The following IPCEF1 variants were observed in gnomAD, a reference collection of about 807,000 sequenced individuals.
IPCEF1 encodes the protein interaction protein for cytohesin exchange factors 1, also known as interactor protein for cytohesin exchange factors 1.
A neutral mutation model predicts 50.9 loss-of-function variants in IPCEF1; 31 were observed. The observed-to-expected ratio is 0.61, with a 90% CI of 0.46 to 0.82. The LOEUF (loss-of-function observed/expected upper bound fraction) is 0.82. Among genes scored for constraint, IPCEF1 ranks in the 40% least tolerant of loss-of-function variants. The probability of loss-of-function intolerance (pLI) is 0.00; values close to 1 mark genes in which losing one functional copy is unlikely to be tolerated. For synonymous variants in IPCEF1, 181 were observed against 192.0 expected, an observed-to-expected ratio of 0.94 and a Z score of 0.47; for missense variants, 458 against 514.0, an observed-to-expected ratio of 0.89 and a Z score of 1.05.
chr6:154,184,237 G>A (rs1801142922), intron 10 of IPCEF1, among the ~76,000 whole-genome samples: 1 of 151,928 alleles, frequency 6.6e-6, no homozygotes, highest in Non-Finnish European at 1.5e-5. Context: ...AAATGTAATA[G>A]CACTGGCATA....
intron 3 of IPCEF1, among the ~76,000 whole-genome samples, chr6:154,248,340 G>GTGTGT (rs1562566051): frequency 4.5e-5 from 5 of 112,092 alleles, no homozygotes; most frequent in African/African-American, 1.6e-4. Flanking sequence ...TGTGTGTGTA[G>GTGTGT]AGAGAGAGAA....
intron 2 of IPCEF1, among the ~76,000 whole-genome samples, chr6:154,266,583 T>C (rs1001299509): frequency 9.2e-4 from 128 of 139,244 alleles, no homozygotes; most frequent in Admixed American, 1.2e-3. Flanking sequence ...TATATATATA[T>C]ATACACACAA....
intron 10 of IPCEF1, among the ~76,000 whole-genome samples, chr6:154,185,424 G>A (rs140555274): frequency 1.5e-3 from 229 of 152,300 alleles, no homozygotes; most frequent in African/African-American, 5.1e-3. Context: ...AGTTTAGATT[G>A]TGACTGTTCA....
chr6:154,349,025 A>G (rs527605082), intron 1 of IPCEF1, among the ~76,000 whole-genome samples: 6 of 152,328 alleles, frequency 3.9e-5, no homozygotes, highest in African/African-American at 1.2e-4. Flanking sequence ...TCCTTCAAAC[A>G]TAACTTTGTA....
chr6:154,282,365 T>C (rs1782238909), intron 2 of IPCEF1, among the ~76,000 whole-genome samples: 1 of 151,340 alleles, frequency 6.6e-6, no homozygotes, highest in East Asian at 1.9e-4. Flanking sequence ...GGGACCAGAG[T>C]GGTAGCGATA....
At chr6:154,340,251 A>G (rs956841897) in intron 1 of IPCEF1, among the ~76,000 whole-genome samples, 2 of 79,650 alleles carry the variant, frequency 2.5e-5, no homozygotes, top group African/African-American at 6.8e-5. Flanking sequence ...TTAATTTATT[A>G]TTATTATTAT....
At chr6:154,172,084 A>G (rs927671880) in intron 10 of IPCEF1, among the ~76,000 whole-genome samples, 3 of 152,244 alleles carry the variant, frequency 2.0e-5, no homozygotes, top group African/African-American at 7.2e-5. Context: ...AAAACAACTT[A>G]CCAATTGAGC....
chr6:154,336,475 C>A (rs1033330782), intron 1 of IPCEF1, among the ~76,000 whole-genome samples: 1 of 151,930 alleles, frequency 6.6e-6, no homozygotes, highest in Non-Finnish European at 1.5e-5. Context: ...AAGTTGATCT[C>A]GTGGAGATAG....
intron 1 of IPCEF1, among the ~76,000 whole-genome samples, chr6:154,324,663 C>A (rs1783475301): frequency 6.6e-6 from 1 of 152,026 alleles, no homozygotes; most frequent in Non-Finnish European, 1.5e-5. Flanking sequence ...CAAAAATTAG[C>A]TGGTCATGGT....
chr6:154,241,754 C>G (rs1780614393), intron 5 of IPCEF1, among the ~76,000 whole-genome samples: 1 of 152,132 alleles, frequency 6.6e-6, no homozygotes, highest in Non-Finnish European at 1.5e-5. Flanking sequence ...TCTATTGCTG[C>G]TAGGTTCATA....
chr6:154,249,319 G>C (rs1781280675), intron 3 of IPCEF1, among the ~76,000 whole-genome samples: 1 of 152,032 alleles, frequency 6.6e-6, no homozygotes, highest in Non-Finnish European at 1.5e-5. Context: ...AACCCAACTA[G>C]TACCTATTGG....
chr6:154,180,407 TATATATA>T lies in IPCEF1; in HGVS notation c.911-12301_911-12295del, dbSNP rs1162053819. ...ACAACTATATATATATATATATATA[TATATATA>T]TTTTTTTTTTAAACATGATCCTTCT... On this transcript the variant is annotated intron_variant, in intron 10 of 11. Coordinates refer to ENST00000367220, the MANE Select transcript of IPCEF1 (RefSeq NM_001130700.2). Among the ~76,000 whole-genome samples the T allele has an allele frequency of 1.2e-3, 47 of 40,188 alleles. 1 individual carries two copies. Among genetic ancestry groups the T allele is most frequent in the African/African-American group, 3.8e-3 (46 of 11,988 alleles). The allele number at this position is 40,188 out of a possible 152,430, so 26.4% of individuals were successfully genotyped here. A position where few individuals can be genotyped will look rare whatever the true frequency, so the allele number is the denominator to read the frequency against.
At chr6:154,181,278 G>C (rs1006907342) in intron 10 of IPCEF1, among the ~76,000 whole-genome samples, 6 of 152,076 alleles carry the variant, frequency 3.9e-5, no homozygotes, top group African/African-American at 1.4e-4. Flanking sequence ...TCCTATTTTT[G>C]TTCCTGTTGG....
rs966813334 is a variant in IPCEF1 at position 154,159,294 on chromosome 6, G to C, written c.*534C>G. Reference sequence around the variant, plus strand: ...GAAGCATTTCTCATCACATGGAAAAGGCACCACCATTCCATACCAAAGGCA... The same window carrying C: ...GAAGCATTTCTCATCACATGGAAAACGCACCACCATTCCATACCAAAGGCA... On this transcript the variant is annotated 3_prime_UTR_variant, in exon 12 of 12. Coordinates refer to ENST00000367220, the MANE Select transcript of IPCEF1 (RefSeq NM_001130700.2). 6.3e-6 allele frequency: 1 copy of C among 159,518 alleles called. No individual in the cohort carries two copies. Among genetic ancestry groups the C allele is most frequent in the Non-Finnish European group, 1.4e-5 (1 of 73,514 alleles). The allele number at this position is 159,518 out of a possible 1,614,324, so 9.9% of individuals were successfully genotyped here.
chr6:154,300,714 G>T (rs1371282064), intron 1 of IPCEF1, among the ~76,000 whole-genome samples: 1 of 152,124 alleles, frequency 6.6e-6, no homozygotes, highest in Non-Finnish European at 1.5e-5. Flanking sequence ...AGTCCAACAC[G>T]TAAACACCAG....
At chr6:154,205,155 G>A (rs1342233862) in intron 9 of IPCEF1, among the ~76,000 whole-genome samples, 1 of 152,160 alleles carries the variant, frequency 6.6e-6, no homozygotes, top group Admixed American at 6.5e-5. Flanking sequence ...TTCATCTTCA[G>A]AGCATTTGTC....
chr6:154,248,616 G>GA (rs1195735428), intron 3 of IPCEF1, among the ~76,000 whole-genome samples: 20 of 152,220 alleles, frequency 1.3e-4, no homozygotes, highest in African/African-American at 4.6e-4. Flanking sequence ...TATGTTTGAA[G>GA]AAGGGATATG....
At chr6:154,318,167 C>A (rs1296492860) in intron 1 of IPCEF1, among the ~76,000 whole-genome samples, 1 of 152,086 alleles carries the variant, frequency 6.6e-6, no homozygotes, top group Non-Finnish European at 1.5e-5. Flanking sequence ...GAAATCTGAA[C>A]AGTGGTTGCC....
At chr6:154,223,560 C>A (rs199762291) in intron 5 of IPCEF1, among the ~76,000 whole-genome samples, 30 of 151,802 alleles carry the variant, frequency 2.0e-4, no homozygotes, top group Non-Finnish European at 3.7e-4. Flanking sequence ...GCTAACCCAA[C>A]AGTCATGTCT....
Sources: gnomAD v4.1 joint callset for allele counts (sites outside exome capture counted in the v4.1 genomes callset) on GRCh38, gnomAD v4.1.1 for gene constraint, MANE v1.5 for transcripts, NCBI Gene and HGNC (gene_info 2026-07-23, HGNC 2026-07-21) for gene names.